CYTH1: variants seen among roughly 807,000 people sequenced by gnomAD.
CYTH1 encodes cytohesin 1, also known as cytohesin-1.
A neutral mutation model predicts 61.8 loss-of-function variants in CYTH1; 18 were observed. That is an observed-to-expected ratio of 0.29 (90% CI 0.20 to 0.43). The LOEUF is 0.43. CYTH1 is among the 20% of genes least tolerant of loss of function. The pLI, the probability that CYTH1 is intolerant of heterozygous loss-of-function variation, is 1.00. For synonymous variants in CYTH1, 174 were observed against 184.3 expected, an observed-to-expected ratio of 0.94 and a Z score of 0.45; for missense variants, 336 against 510.5, an observed-to-expected ratio of 0.66 and a Z score of 3.29.
chr17:78,708,023 G>T lies in CYTH1; in HGVS notation c.170+174C>A, dbSNP rs71385982. ...CACTGGAAGAAGCTCCTATGTTCAG[G>T]AGGCCTTGCGGTGAAGGATGGAAGG... On this transcript the variant is annotated intron_variant, in intron 3 of 13. Transcript: ENST00000446868. Among the ~76,000 whole-genome samples, 991 of 152,304 alleles carry T rather than the reference G, an allele frequency of 6.5e-3. 6 individuals are homozygous for T. Among genetic ancestry groups the T allele is most frequent in the Non-Finnish European group, 9.8e-3 (665 of 68,022 alleles).
chr17:78,676,256 C>T (rs1420424011), intron 13 of CYTH1, 87 bp from the exon 14 acceptor site: 4 of 1,346,500 alleles, frequency 3.0e-6, no homozygotes, highest in South Asian at 2.6e-5. Context: ...AGGGGCCCCT[C>T]GTGCCCCAGA....
rs2093409021 is a variant in CYTH1 at position 78,758,103 on chromosome 17, AG to A, written c.22+24098del. 4.6e-5 allele frequency among the ~76,000 whole-genome samples: 7 copies of A among 152,330 alleles called. No individual in the cohort carries two copies. The South Asian group carries it at 1.5e-3, about 32-fold the overall frequency. ...CCAGTAAGTCCACTTACAGGAATCTAGCCTAAGAAAATCACTGGAAATGTGA... is the reference window on the plus strand; with the variant it reads ...CCAGTAAGTCCACTTACAGGAATCTACCTAAGAAAATCACTGGAAATGTGA... On this transcript the variant is annotated intron_variant, in intron 1 of 13. Coordinates refer to ENST00000446868, the MANE Select transcript of CYTH1 (RefSeq NM_004762.6).
At chr17:78,766,087 GAAAAAAAAAA>G (rs59673666) in intron 1 of CYTH1, among the ~76,000 whole-genome samples, 1 of 65,682 alleles carries the variant, frequency 1.5e-5, no homozygotes, top group East Asian at 5.2e-4. Flanking sequence ...CATCTCTACA[GAAAAAAAAAA>G]AAAAAAAAAA....
At chr17:78,732,141 G>A (rs1567865579) in intron 1 of CYTH1, among the ~76,000 whole-genome samples, 1 of 152,080 alleles carries the variant, frequency 6.6e-6, no homozygotes, top group Non-Finnish European at 1.5e-5. Flanking sequence ...GGCTGACCAC[G>A]CTGCAGGCTG....
intron 1 of CYTH1, among the ~76,000 whole-genome samples, chr17:78,756,136 C>T (rs1405053779): frequency 6.7e-6 from 1 of 148,924 alleles, no homozygotes; most frequent in Non-Finnish European, 1.5e-5. Context: ...AGTGCAGCAG[C>T]GTGATCTCAG....
At chr17:78,750,649 T>A (rs1464933493) in intron 1 of CYTH1, among the ~76,000 whole-genome samples, 5 of 151,124 alleles carry the variant, frequency 3.3e-5, no homozygotes, top group Admixed American at 2.6e-4. Context: ...CTATGAAAAA[T>A]ACAAAAATTA....
At chr17:78,704,340 C>G (rs554788388) in intron 3 of CYTH1, among the ~76,000 whole-genome samples, 1 of 152,130 alleles carries the variant, frequency 6.6e-6, no homozygotes, top group Non-Finnish European at 1.5e-5. Context: ...TTCTGGTATG[C>G]ACCCAAATTT....
At position 78,700,601 on chromosome 17, in the gene CYTH1, T is replaced by G. The variant is rs1199733154; in HGVS notation, c.438-158A>C. Among the ~76,000 whole-genome samples, 1 of 152,068 alleles carries G rather than the reference T, an allele frequency of 6.6e-6. No individual in the cohort carries two copies. Among genetic ancestry groups the G allele is most frequent in the African/African-American group, 2.4e-5 (1 of 41,384 alleles). ...GTGCAGTGGCGTGATCTTGGCTCAC[T>G]GCAACCTCTGCCTGCCGGGTTCAGG... is the stretch of plus-strand genomic sequence containing the variant. On this transcript the variant is annotated intron_variant, in intron 6 of 13. Coordinates refer to ENST00000446868, the MANE Select transcript of CYTH1 (RefSeq NM_004762.6). This position sits in a 1 kb window ranked among gnomAD's most constrained non-coding sequence, Gnocchi z 5.1.
chr17:78,726,455 C>T (rs917829877), intron 1 of CYTH1, among the ~76,000 whole-genome samples: 14 of 152,090 alleles, frequency 9.2e-5, no homozygotes, highest in Non-Finnish European at 1.5e-4. Context: ...GACATGGTTT[C>T]GGCCCTCCAA....
chr17:78,775,420 A>G (rs1428893824), intron 1 of CYTH1, among the ~76,000 whole-genome samples: 1 of 152,178 alleles, frequency 6.6e-6, no homozygotes, highest in Admixed American at 6.5e-5. Flanking sequence ...TTGGACCTCA[A>G]TGCTTCTCGA....
At chr17:78,760,355 T>TATATATATATATA (rs2093416888) in intron 1 of CYTH1, among the ~76,000 whole-genome samples, 3 of 52,272 alleles carry the variant, frequency 5.7e-5, no homozygotes, top group African/African-American at 2.2e-4. Context: ...AATAGCAGGT[T>TATATATATATATA]TATATATATA....
chr17:78,734,500 G>C (rs984066000), intron 1 of CYTH1, among the ~76,000 whole-genome samples: 1 of 137,874 alleles, frequency 7.3e-6, no homozygotes, highest in African/African-American at 2.7e-5. Flanking sequence ...GAGTGCAGTG[G>C]TACGATTTCG....
At chr17:78,719,613 A>T (rs957890532) in intron 1 of CYTH1, among the ~76,000 whole-genome samples, 14 of 152,228 alleles carry the variant, frequency 9.2e-5, no homozygotes, top group African/African-American at 3.4e-4. Flanking sequence ...ATAAGAATGC[A>T]ACCAAAATCC....
intron 1 of CYTH1, among the ~76,000 whole-genome samples, chr17:78,739,742 T>C (rs1360159773): frequency 6.6e-6 from 1 of 151,936 alleles, no homozygotes. Flanking sequence ...TGGAGACCAG[T>C]TGGGGGGCTG....
intron 11 of CYTH1, among the ~76,000 whole-genome samples, chr17:78,683,640 A>C (rs1412512194): frequency 1.3e-5 from 2 of 152,124 alleles, no homozygotes; most frequent in African/African-American, 4.8e-5. Context: ...TCTGGGGAAA[A>C]TGCCCCCACC....
intron 11 of CYTH1, among the ~76,000 whole-genome samples, chr17:78,684,064 C>A (rs2092790974): frequency 6.6e-6 from 1 of 152,198 alleles, no homozygotes; most frequent in African/African-American, 2.4e-5. Flanking sequence ...AGATGATTTA[C>A]ACCCATGCTC....
chr17:78,740,821 C>A (rs1266345659), intron 1 of CYTH1, among the ~76,000 whole-genome samples: 2 of 152,180 alleles, frequency 1.3e-5, no homozygotes, highest in African/African-American at 2.4e-5. Context: ...CATATAATAA[C>A]CCAACTCATG....
At chr17:78,763,445 T>C (rs1454556450) in intron 1 of CYTH1, among the ~76,000 whole-genome samples, 2 of 152,134 alleles carry the variant, frequency 1.3e-5, no homozygotes, top group Non-Finnish European at 2.9e-5. Context: ...TCCCTCCTTA[T>C]CCACAGGGGA....
intron 1 of CYTH1, among the ~76,000 whole-genome samples, chr17:78,763,769 A>G (rs1251686230): frequency 2.0e-5 from 3 of 152,230 alleles, no homozygotes; most frequent in Non-Finnish European, 4.4e-5. Context: ...TAAGGGGGAA[A>G]GTATGCTAGC....
Sources: allele counts gnomAD v4.1 joint callset (sites outside exome capture counted in the v4.1 genomes callset), GRCh38; gene constraint gnomAD v4.1.1; non-coding constraint Gnocchi (gnomAD v3.1); transcripts MANE v1.5; gene names NCBI Gene and HGNC (gene_info 2026-07-23, HGNC 2026-07-21).